STAG3: variants seen among roughly 807,000 people sequenced by gnomAD.
STAG3 encodes cohesin subunit SA-3.
In STAG3, 101 loss-of-function variants were observed where a neutral mutation model predicts 160.7. The ratio of observed to expected loss-of-function variants is 0.63; its 90% CI spans 0.54 to 0.74. STAG3 has a LOEUF of 0.74. STAG3 is among the 30% of genes least tolerant of loss of function. The pLI is 0.00. For missense variants in STAG3, 1,188 were observed against 1,517.4 expected, an observed-to-expected ratio of 0.78 and a Z score of 3.61; for synonymous variants, 519 against 585.0, an observed-to-expected ratio of 0.89 and a Z score of 1.63.
intron 9 of STAG3, 69 bp downstream of exon 9, chr7:100,195,451 G>C: frequency 6.9e-7 from 1 of 1,452,914 alleles, no homozygotes. Flanking sequence ...AGTGAATAAG[G>C]TTTTCCCCCC....
At chr7:100,217,082 C>T (rs1177666797), downstream of STAG3, among the ~76,000 whole-genome samples, 1 of 152,226 alleles carries the variant, frequency 6.6e-6, no homozygotes, top group Admixed American at 6.5e-5. Context: ...CAATACTGAT[C>T]GTATTCCAAG....
At position 100,201,120 on chromosome 7, in the gene STAG3, A is replaced by T. The variant is rs751313304; in HGVS notation, c.2092A>T (p.Asn698Tyr). Residue 698 changes from asparagine to tyrosine, a missense_variant, in exon 20 of 34, where the codon AAT becomes TAT. By Grantham distance (143) the Asn-to-Tyr change is moderately radical. Transcript: ENST00000615138. ...CTTCCTAGATGAGGATGAGGTATAT[A>T]ATCTGGCAGCCACTCTGAAACGCCT... ...SSFLDEDEVY[N>Y]LAATLKRLSA... 5.6e-6 allele frequency: 9 copies of T among 1,614,032 alleles called. No individual in the cohort carries two copies. The Admixed American group carries it at 1.2e-4, about 21-fold the overall frequency.
intron 4 of STAG3, among the ~76,000 whole-genome samples, chr7:100,183,953 C>T (rs1799810249): frequency 6.6e-6 from 1 of 152,004 alleles, no homozygotes; most frequent in East Asian, 1.9e-4. Flanking sequence ...GTGTTGTAGT[C>T]AGGGAATGTG....
intron 5 of STAG3, among the ~76,000 whole-genome samples, chr7:100,188,029 T>C (rs1233792672): frequency 6.6e-6 from 1 of 152,210 alleles, no homozygotes; most frequent in East Asian, 1.9e-4. Context: ...GTGCTGGGAT[T>C]ACAGGCATGA....
chr7:100,201,650 ATCACTCATT>A, intron 21 of STAG3, 127 bp from the exon 22 acceptor site: 1 of 770,328 alleles, frequency 1.3e-6, no homozygotes, highest in South Asian at 1.6e-5. Flanking sequence ...TGTCCAGAAT[ATCACTCATT>A]TTCCACTGGA....
intron 27 of STAG3, 40 bp downstream of exon 27, chr7:100,204,815 G>A: frequency 6.2e-7 from 1 of 1,610,966 alleles, no homozygotes; most frequent in Non-Finnish European, 8.5e-7. Flanking sequence ...AGGGAGGGCT[G>A]GGAACGAGGT....
At chr7:100,213,371 G>A (rs1220064610) in intron 32 of STAG3, 4 of 985,376 alleles carry the variant, frequency 4.1e-6, no homozygotes, top group Middle Eastern at 5.2e-4. Flanking sequence ...GAAGGAAAAA[G>A]AACAGAATAG....
chr7:100,185,452 A>G (rs1296264522), intron 4 of STAG3, among the ~76,000 whole-genome samples: 4 of 151,886 alleles, frequency 2.6e-5, no homozygotes, highest in African/African-American at 7.3e-5. Flanking sequence ...AAAATTAGCC[A>G]TTAGCCAGGC....
downstream of STAG3, chr7:100,218,725 G>A: frequency 3.0e-6 from 1 of 330,198 alleles, no homozygotes; most frequent in Non-Finnish European, 6.0e-6. Context: ...GGATGATGGG[G>A]TGTGATAGTG....
At chr7:100,187,092 C>T (rs1279006613) in intron 5 of STAG3, among the ~76,000 whole-genome samples, 2 of 151,884 alleles carry the variant, frequency 1.3e-5, no homozygotes, top group Non-Finnish European at 2.9e-5. Flanking sequence ...AGTGCAGTGG[C>T]ATGATCTCGG....
At chr7:100,215,255 T>A (rs1802654668), downstream of STAG3, 1 of 152,198 alleles carries the variant, frequency 6.6e-6, no homozygotes, top group Admixed American at 6.5e-5. Flanking sequence ...GACACAGCCA[T>A]CCAGCTAGTG....
At chr7:100,191,210 GC>G in intron 8 of STAG3, among the ~76,000 whole-genome samples, 1 of 152,044 alleles carries the variant, frequency 6.6e-6, no homozygotes, top group Admixed American at 6.6e-5. Context: ...TGCTCCCCCA[GC>G]AAGTTGTGGC....
chr7:100,197,949 C>T, intron 11 of STAG3, 73 bp downstream of exon 11: 1 of 1,514,882 alleles, frequency 6.6e-7, no homozygotes, highest in Non-Finnish European at 9.2e-7. Flanking sequence ...TCTTTCTACC[C>T]CTCATGCTCT....
Position 100,180,617 on chromosome 7 carries a change from A to C in STAG3, c.61A>C (p.Ser21Arg), listed in dbSNP as rs1287554298. The C allele has an allele frequency of 4.3e-6, 7 of 1,613,532 alleles. No individual in the cohort carries two copies. Among genetic ancestry groups the C allele is most frequent in the Non-Finnish European group, 5.9e-6 (7 of 1,179,590 alleles). The change falls in exon 2 of 34, where the codon AGT becomes CGT. Residue 21 changes from serine (S) to arginine (R), a missense_variant. Physicochemically the swap from Ser to Arg is moderately radical, Grantham distance 110. This residue lies in a region of STAG3 where 296 missense variants were observed against 404.0 expected (regional missense o/e 0.73). Transcript: ENST00000615138. Reference sequence around the variant, plus strand: ...CAAGAGGGCCTTGTCTGCATCTTCTAGTTCCTCTGCCAGTCTACCCTTTGA... The same window carrying C: ...CAAGAGGGCCTTGTCTGCATCTTCTCGTTCCTCTGCCAGTCTACCCTTTGA... ...DTKRALSASS[S>R]SSASLPFDDR...
At chr7:100,212,641 TAG>T (rs1372002821) in intron 32 of STAG3, 1 of 152,150 alleles carries the variant, frequency 6.6e-6, no homozygotes, top group Non-Finnish European at 1.5e-5. Flanking sequence ...GTATTTTTAG[TAG>T]AGACGGGGTT....
rs534452419 is a variant in STAG3 at position 100,188,432 on chromosome 7, CT to C, written c.434-20del. The C allele has an allele frequency of 7.2e-5, 111 of 1,536,090 alleles. No homozygotes were observed. In the East Asian group the frequency reaches 2.3e-3, roughly 32 times the overall value. On this transcript the variant is annotated intron_variant, in intron 5 of 33. Transcript: ENST00000615138. ...ATCCTGTTATTTTCCTTGTAAGCAC[CT>C]CATATCCTTCATTCTTTAGGCATTG...
Position 100,198,562 on chromosome 7 carries a change from A to G in STAG3, c.1332A>G (p.Ala444=). 1 of 1,613,896 alleles carries G rather than the reference A, an allele frequency of 6.2e-7. No individual in the cohort carries two copies. Among genetic ancestry groups the G allele is most frequent in the Non-Finnish European group, 8.5e-7 (1 of 1,180,032 alleles). Residue 444 remains alanine (A), a synonymous_variant, in exon 13 of 34, where the codon GCA becomes GCG. Coordinates refer to ENST00000615138, the MANE Select transcript of STAG3 (RefSeq NM_001282717.2). The part of the protein sequence containing the change: ...YASHRGLASA[A]GEFLYWKLFY... ...CTCATCGAGGCCTGGCCTCTGCCGC[A>G]GGCGAATTTCTGTACTGGAAGTGAG...
intron 8 of STAG3, 27 bp from the exon 9 acceptor site, chr7:100,195,282 A>T: frequency 1.2e-6 from 2 of 1,608,482 alleles, no homozygotes; most frequent in South Asian, 2.2e-5. Context: ...TACAAGAAAG[A>T]TTAACCCGTT....
At chr7:100,186,129 G>A in intron 4 of STAG3, 71 bp from the exon 5 acceptor site, 1 of 1,184,664 alleles carries the variant, frequency 8.4e-7, no homozygotes, top group South Asian at 1.2e-5. Context: ...GGTTCAACTG[G>A]GAAGATCATA....
Sources: allele counts gnomAD v4.1 joint callset (sites outside exome capture counted in the v4.1 genomes callset), GRCh38; gene constraint gnomAD v4.1.1; regional missense constraint gnomAD v4.1.1; transcripts MANE v1.5; gene names NCBI Gene and HGNC (gene_info 2026-07-23, HGNC 2026-07-21).